The following ASIC2 variants were observed in gnomAD, a reference collection of about 807,000 sequenced individuals.
ASIC2 encodes acid sensing ion channel subunit 2, also known as acid-sensing ion channel 2.
In ASIC2, 25 loss-of-function variants were observed where a neutral mutation model predicts 57.3. The observed-to-expected ratio is 0.44, with a 90% confidence interval of 0.32 to 0.61. The LOEUF (loss-of-function observed/expected upper bound fraction) is 0.61, where lower values mean the gene tolerates loss of function less well. Among genes scored for constraint, ASIC2 ranks in the 20% least tolerant of loss-of-function variants. The pLI, the probability that ASIC2 is intolerant of heterozygous loss-of-function variation, is 0.06. For synonymous variants in ASIC2, 319 were observed against 307.5 expected, an observed-to-expected ratio of 1.04 and a Z score of -0.39; for missense variants, 641 against 738.1, an observed-to-expected ratio of 0.87 and a Z score of 1.52.
At chr17:33,626,453 G>C (rs1905987353) in intron 1 of ASIC2, among the ~76,000 whole-genome samples, 1 of 152,146 alleles carries the variant, frequency 6.6e-6, no homozygotes, top group Non-Finnish European at 1.5e-5. Flanking sequence ...ATAAAACTAT[G>C]AATCTGCTAG....
At chr17:33,618,127 G>A (rs1193418864) in intron 1 of ASIC2, among the ~76,000 whole-genome samples, 1 of 151,952 alleles carries the variant, frequency 6.6e-6, no homozygotes, top group Non-Finnish European at 1.5e-5. Flanking sequence ...CCATCCCCAG[G>A]AATTCAAGCC....
intron 1 of ASIC2, chr17:34,039,170 T>G: frequency 6.2e-7 from 1 of 1,614,054 alleles, no homozygotes; most frequent in Non-Finnish European, 8.5e-7. Context: ...AAATCATCTA[T>G]TCTTCCCTCC....
chr17:33,269,690 C>CTTT (rs1904394104), intron 1 of ASIC2, among the ~76,000 whole-genome samples: 1 of 63,904 alleles, frequency 1.6e-5, no homozygotes, highest in Non-Finnish European at 3.3e-5. Flanking sequence ...CTCCCTCCTG[C>CTTT]CTGCCTGCCT....
intron 1 of ASIC2, among the ~76,000 whole-genome samples, chr17:33,626,595 T>C (rs1206889258): frequency 2.0e-5 from 3 of 152,194 alleles, no homozygotes; most frequent in Non-Finnish European, 4.4e-5. Flanking sequence ...ACACCATTGA[T>C]AACGGTGTCA....
At chr17:33,217,470 A>G (rs957208190) in intron 1 of ASIC2, among the ~76,000 whole-genome samples, 1 of 152,210 alleles carries the variant, frequency 6.6e-6, no homozygotes, top group Non-Finnish European at 1.5e-5. Context: ...ATTTCCCATC[A>G]TGACACTTGT....
intron 1 of ASIC2, among the ~76,000 whole-genome samples, chr17:33,199,982 C>T (rs1187942086): frequency 6.6e-6 from 1 of 152,124 alleles, no homozygotes; most frequent in Non-Finnish European, 1.5e-5. Context: ...GTTCCATGGG[C>T]ACTTACCATT....
chr17:33,861,961 C>T (rs1207230923), intron 1 of ASIC2, among the ~76,000 whole-genome samples: 2 of 152,222 alleles, frequency 1.3e-5, no homozygotes, highest in Non-Finnish European at 2.9e-5. Context: ...AGCATGCCTC[C>T]ACCTTTCTGG....
At chr17:33,253,970 T>C (rs1020365846) in intron 1 of ASIC2, among the ~76,000 whole-genome samples, 2 of 152,202 alleles carry the variant, frequency 1.3e-5, no homozygotes, top group Non-Finnish European at 2.9e-5. Context: ...TCTTGTTTCC[T>C]CTGAATATTT....
intron 1 of ASIC2, chr17:34,120,071 G>A (rs1911559820): frequency 6.6e-6 from 1 of 152,082 alleles, no homozygotes; most frequent in Non-Finnish European, 1.5e-5. Flanking sequence ...GAGGTTTCTT[G>A]AGCTCCATGC....
At chr17:33,029,255 GA>G (rs1323716711) in intron 3 of ASIC2, among the ~76,000 whole-genome samples, 1 of 152,208 alleles carries the variant, frequency 6.6e-6, no homozygotes, top group East Asian at 1.9e-4. Context: ...AAACACCCTA[GA>G]AAGTTCGTTT....
At chr17:33,111,246 G>A (rs944077135) in intron 2 of ASIC2, among the ~76,000 whole-genome samples, 1 of 152,202 alleles carries the variant, frequency 6.6e-6, no homozygotes. Context: ...CCCTGTGATT[G>A]TGTCTCTTCC....
At chr17:33,134,985 G>C (rs550143698) in intron 1 of ASIC2, among the ~76,000 whole-genome samples, 40 of 152,320 alleles carry the variant, frequency 2.6e-4, no homozygotes, top group Non-Finnish European at 5.1e-4. Context: ...CTGGAGGTGA[G>C]AGGGGGTCTT....
In ASIC2 at chr17:33,041,629, C is replaced by T. The variant is rs559728996; in HGVS notation, c.988-13237G>A. Among the ~76,000 whole-genome samples, 44 of 152,320 alleles carry T rather than the reference C, an allele frequency of 2.9e-4. No individual in the cohort carries two copies. In the South Asian group the frequency reaches 6.4e-3, roughly 22 times the overall value. On this transcript the variant is annotated intron_variant, in intron 3 of 9. Transcript: ENST00000225823. ...TCTAACCACTGGAATTGACAATTCC[C>T]CTTTGGCTAGGGCTGGCTTAAATGC...
At position 33,291,501 on chromosome 17, in the gene ASIC2, G is replaced by C. The variant is rs1905444850; in HGVS notation, c.615C>G (p.Ala205=). ...LPPRHFEGIS[A]AFMDRLGHQL... ...GGTGGCCCAGGCGGTCCATGAAGGCGGCGCTGATTCCCTCGAAGTGGCGCG... is the reference window on the plus strand; with the variant it reads ...GGTGGCCCAGGCGGTCCATGAAGGCCGCGCTGATTCCCTCGAAGTGGCGCG... Residue 205 remains alanine (A), a synonymous_variant, in exon 1 of 10, where the codon GCC becomes GCG. Transcript: ENST00000225823. The C allele has an allele frequency of 3.1e-6, 5 of 1,612,596 alleles. No homozygotes were observed. Among genetic ancestry groups the C allele is most frequent in the Non-Finnish European group, 4.2e-6 (5 of 1,179,796 alleles).
At chr17:33,957,280 G>C (rs142092386) in intron 1 of ASIC2, among the ~76,000 whole-genome samples, 2 of 152,210 alleles carry the variant, frequency 1.3e-5, no homozygotes, top group Non-Finnish European at 2.9e-5. Flanking sequence ...TAGAAGAGAA[G>C]AGAAGCAACA....
chr17:33,674,178 C>A (rs773768525), intron 1 of ASIC2, among the ~76,000 whole-genome samples: 2 of 152,066 alleles, frequency 1.3e-5, no homozygotes, highest in Non-Finnish European at 2.9e-5. Flanking sequence ...CAGGCGTGAG[C>A]CACCGAGCCT....
rs147124687 is a variant in ASIC2, at chr17:33,152,682, G to A, written c.709-40615C>T. 7.8e-3 allele frequency among the ~76,000 whole-genome samples: 1,188 copies of A among 152,304 alleles called. 9 individuals carry two copies. The highest frequency in any genetic ancestry group is 0.013 in the Non-Finnish European group (912 of 68,028). ...CTTTGGACTTGTTCCTGAGACCTGG[G>A]TTTCCCAAAGGGAGTTCTGCTACTG... is the stretch of plus-strand genomic sequence containing the variant. On this transcript the variant is annotated intron_variant, in intron 1 of 9. Transcript: ENST00000225823.
At chr17:33,846,954 T>A (rs1913624319) in intron 1 of ASIC2, among the ~76,000 whole-genome samples, 1 of 151,788 alleles carries the variant, frequency 6.6e-6, no homozygotes, top group South Asian at 2.1e-4. Flanking sequence ...CACTGTGTCA[T>A]CTCCTCTTAT....
intron 1 of ASIC2, among the ~76,000 whole-genome samples, chr17:33,805,484 T>A (rs1344962661): frequency 6.6e-6 from 1 of 152,160 alleles, no homozygotes; most frequent in Non-Finnish European, 1.5e-5. Flanking sequence ...TTCTTCCTCA[T>A]AGGGAAATCT....
Sources: gnomAD v4.1 joint callset for allele counts (sites outside exome capture counted in the v4.1 genomes callset) on GRCh38, gnomAD v4.1.1 for gene constraint, MANE v1.5 for transcripts, NCBI Gene and HGNC (gene_info 2026-07-23, HGNC 2026-07-21) for gene names.